The following COA7 variants were observed in gnomAD, a reference collection of about 807,000 sequenced individuals.
COA7 encodes the protein Sel1 repeat containing 1.
A neutral mutation model predicts 21.0 loss-of-function variants in COA7; 12 were observed. The ratio of observed to expected loss-of-function variants is 0.57; its 90% CI spans 0.37 to 0.92. The LOEUF (loss-of-function observed/expected upper bound fraction) is 0.92, where lower values mean the gene tolerates loss of function less well. Ranked by LOEUF, COA7 falls within the 40% of genes least tolerant of loss-of-function variation. The probability of loss-of-function intolerance (pLI) is 0.01; values close to 1 mark genes in which losing one functional copy is unlikely to be tolerated. For synonymous variants in COA7, 95 were observed against 107.4 expected, an observed-to-expected ratio of 0.88 and a Z score of 0.72; for missense variants, 240 against 286.1, an observed-to-expected ratio of 0.84 and a Z score of 1.16.
chr1:52,690,015 T>C (rs1252222664), intron 2 of COA7, among the ~76,000 whole-genome samples: 1 of 126,758 alleles, frequency 7.9e-6, no homozygotes, highest in Non-Finnish European at 1.6e-5. Context: ...TGACAGAGCA[T>C]AACTCTGTCT....
In COA7 at chr1:52,698,222, G is replaced by A. The variant is rs1644098933; in HGVS notation, c.105C>T (p.Asp35=). ...CCGGGCTGCGCTGGAGCCGCTCACCGTCCGGGTCCTTCTCGTGGTAGCAGT... is the reference window on the plus strand; with the variant it reads ...CCGGGCTGCGCTGGAGCCGCTCACCATCCGGGTCCTTCTCGTGGTAGCAGT... ...NYHCYHEKDP[D]GCYRLVDYLE... The change falls in exon 1 of 3, where the codon GAC becomes GAT. Residue 35 remains aspartate, a splice_region_variant and synonymous_variant. Coordinates refer to ENST00000371538, the MANE Select transcript of COA7 (RefSeq NM_023077.3). 6.8e-6 allele frequency: 11 copies of A among 1,608,090 alleles called. No individual in the cohort carries two copies. The East Asian group carries it at 2.2e-4, about 33-fold the overall frequency.
intron 1 of COA7, among the ~76,000 whole-genome samples, chr1:52,696,813 G>GAA (rs540684646): frequency 1.1e-3 from 131 of 123,790 alleles, no homozygotes; most frequent in Admixed American, 3.2e-3. Context: ...TTATTTGAAA[G>GAA]AAAAAAAAAA....
intron 1 of COA7, among the ~76,000 whole-genome samples, chr1:52,696,936 C>G (rs749884673): frequency 2.6e-5 from 4 of 151,474 alleles, no homozygotes; most frequent in Admixed American, 6.6e-5. Flanking sequence ...ATGGTGAAAC[C>G]CTGTCTCTAC....
intron 2 of COA7, among the ~76,000 whole-genome samples, chr1:52,689,352 C>T (rs140562874): frequency 8.3e-4 from 125 of 151,058 alleles, no homozygotes; most frequent in African/African-American, 2.9e-3. Context: ...GACGGGGTTT[C>T]ACCACGTTGG....
At chr1:52,697,247 T>C (rs555994418) in intron 1 of COA7, among the ~76,000 whole-genome samples, 1 of 151,714 alleles carries the variant, frequency 6.6e-6, no homozygotes, top group South Asian at 2.1e-4. Context: ...AGAAAGAAAA[T>C]ACAAAAAATA....
chr1:52,690,376 A>T (rs1644036531), intron 2 of COA7, among the ~76,000 whole-genome samples: 1 of 151,930 alleles, frequency 6.6e-6, no homozygotes, highest in Non-Finnish European at 1.5e-5. Flanking sequence ...ACACCATTCC[A>T]GTCATCTTTG....
intron 1 of COA7, among the ~76,000 whole-genome samples, chr1:52,697,108 C>CA (rs1273896052): frequency 2.0e-5 from 3 of 148,320 alleles, no homozygotes; most frequent in South Asian, 2.1e-4. Context: ...GACTCAGTCT[C>CA]AAAAAAACAA....
chr1:52,695,981 C>T (rs1385476558), intron 1 of COA7, among the ~76,000 whole-genome samples: 1 of 152,162 alleles, frequency 6.6e-6, no homozygotes, highest in Non-Finnish European at 1.5e-5. Flanking sequence ...CCGCTTCAAA[C>T]GTACTAAATC....
chr1:52,690,040 GA>G (rs756064845), intron 2 of COA7, among the ~76,000 whole-genome samples: 266 of 67,264 alleles, frequency 4.0e-3, no homozygotes, highest in South Asian at 0.021. Flanking sequence ...AAAAAAAAAA[GA>G]AAAAAAAAAA....
chr1:52,693,467 G>A (rs1268358132), intron 1 of COA7, among the ~76,000 whole-genome samples: 4 of 152,022 alleles, frequency 2.6e-5, no homozygotes, highest in Non-Finnish European at 5.9e-5. Flanking sequence ...TTAGCCAGGT[G>A]TGGTGGCGCA....
In COA7 at chr1:52,687,806, C is replaced by T. The variant is rs751619841; in HGVS notation, c.610G>A (p.Glu204Lys). 1.2e-6 allele frequency: 2 copies of T among 1,614,268 alleles called. No individual in the cohort carries two copies. Among genetic ancestry groups the T allele is most frequent in the East Asian group, 4.5e-5 (2 of 44,880 alleles). The stretch of plus-strand genomic sequence containing the variant: ...TTTTTTAGCACCTCGGCCTTGGCCT[C>T]ATCCTTATCAACACCATCCCCCAGC... ...YKLGDGVDKDEAKAEVLKNRA... is the reference protein window; with the variant it reads ...YKLGDGVDKDKAKAEVLKNRA... Residue 204 changes from glutamate (E) to lysine (K), a missense_variant, in exon 3 of 3, where the codon GAG becomes AAG. Around this residue, in one of 3 missense-constraint regions of COA7, gnomAD observed 163 missense variants for 214.1 expected, o/e 0.76. Transcript: ENST00000371538.
At position 52,692,398 on chromosome 1, in the gene COA7, G is replaced by C. The variant is rs183684360; in HGVS notation, c.247+329C>G. ...TACTCTGTGCCAAGCACATGCTGAT[G>C]CCTTTTCCTATGCTGTCCTACTTAA... On this transcript the variant is annotated intron_variant, in intron 2 of 2. Coordinates refer to ENST00000371538, the MANE Select transcript of COA7 (RefSeq NM_023077.3). Among the ~76,000 whole-genome samples the C allele has an allele frequency of 1.4e-3, 215 of 152,330 alleles. 1 individual carries two copies. Among genetic ancestry groups the C allele is most frequent in the Non-Finnish European group, 2.4e-3 (164 of 68,024 alleles).
chr1:52,690,837 C>T (rs532666387), intron 2 of COA7, among the ~76,000 whole-genome samples: 1 of 152,204 alleles, frequency 6.6e-6, no homozygotes, highest in East Asian at 1.9e-4. Context: ...GGGCCAGGCA[C>T]GGTGGCTCAC....
intron 1 of COA7, among the ~76,000 whole-genome samples, chr1:52,695,176 T>C (rs1176977057): frequency 6.6e-6 from 1 of 151,622 alleles, no homozygotes; most frequent in East Asian, 1.9e-4. Flanking sequence ...CGCTTGTAAT[T>C]CCAGCTACTT....
intron 2 of COA7, among the ~76,000 whole-genome samples, chr1:52,690,890 G>A (rs750928915): frequency 9.5e-4 from 144 of 151,998 alleles, no homozygotes; most frequent in Admixed American, 3.1e-3. Flanking sequence ...CGGGTGGATC[G>A]TTTGAGGTTA....
chr1:52,697,785 G>A (rs1454290557), intron 1 of COA7: 2 of 155,454 alleles, frequency 1.3e-5, no homozygotes, highest in Non-Finnish European at 2.9e-5. Context: ...TGTTAGCCAG[G>A]ATGGTTTCGA....
In COA7 at chr1:52,687,622, TGCTCCAGCAG is replaced by T; in HGVS notation, c.*88_*97del. ...TACAAATTCAAGTCCCAAGTTTTTT[TGCTCCAGCAG>T]GTTGACCTTCAAGGGCTGCATCAGT... On this transcript the variant is annotated 3_prime_UTR_variant, in exon 3 of 3. Coordinates refer to ENST00000371538, the MANE Select transcript of COA7 (RefSeq NM_023077.3). 1 of 1,191,454 alleles carries T rather than the reference TGCTCCAGCAG, an allele frequency of 8.4e-7. No individual in the cohort carries two copies. The highest frequency in any genetic ancestry group is 2.7e-5 in the Admixed American group (1 of 37,590). 73.8% of individuals were successfully genotyped at this position (1,191,454 alleles called of 1,614,324 possible).
At chr1:52,693,412 T>C (rs145873472) in intron 1 of COA7, among the ~76,000 whole-genome samples, 2,882 of 151,334 alleles carry the variant, frequency 0.019, 91 homozygotes, top group African/African-American at 0.067. Flanking sequence ...CTGTCTCTAC[T>C]AAAAATGCAA....
chr1:52,694,408 C>T (rs1644069275), intron 1 of COA7, among the ~76,000 whole-genome samples: 1 of 143,522 alleles, frequency 7.0e-6, no homozygotes, highest in Non-Finnish European at 1.5e-5. Flanking sequence ...TGCGGTGAGC[C>T]GAGATAGCGC....
Sources: gnomAD v4.1 joint callset for allele counts (sites outside exome capture counted in the v4.1 genomes callset) on GRCh38, gnomAD v4.1.1 for gene constraint, gnomAD v4.1.1 regional missense constraint, MANE v1.5 for transcripts, NCBI Gene and HGNC (gene_info 2026-07-23, HGNC 2026-07-21) for gene names.